The following NKAIN3 variants were observed in gnomAD, a reference collection of about 807,000 sequenced individuals.
NKAIN3 encodes the protein sodium/potassium transporting ATPase interacting 3, also known as sodium/potassium-transporting ATPase subunit beta-1-interacting protein 3.
A neutral mutation model predicts 30.2 loss-of-function variants in NKAIN3; 25 were observed. The ratio of observed to expected loss-of-function variants is 0.83; its 90% CI spans 0.60 to 1.16. NKAIN3 has a LOEUF of 1.16. Ranked by LOEUF, NKAIN3 falls within the 50% of genes most tolerant of loss-of-function variation. NKAIN3 has a pLI of 0.00. For missense variants in NKAIN3, 225 were observed against 254.1 expected (o/e 0.89, Z 0.78); for synonymous variants, 91 against 89.6 (o/e 1.02, Z -0.09).
At chr8:62,551,028 A>C (rs548200794) in intron 1 of NKAIN3, among the ~76,000 whole-genome samples, 119 of 152,140 alleles carry the variant, frequency 7.8e-4, no homozygotes, top group Non-Finnish European at 1.2e-3. Flanking sequence ...ACGGCTTTGC[A>C]TGGGTCCTGG....
At chr8:62,436,736 T>G (rs1440882274) in intron 1 of NKAIN3, among the ~76,000 whole-genome samples, 1 of 152,154 alleles carries the variant, frequency 6.6e-6, no homozygotes, top group Admixed American at 6.6e-5. Context: ...AAATAGCTTT[T>G]TATGCATTAC....
At chr8:62,742,240 T>C (rs1177244993) in intron 3 of NKAIN3, among the ~76,000 whole-genome samples, 1 of 151,426 alleles carries the variant, frequency 6.6e-6, no homozygotes, top group Non-Finnish European at 1.5e-5. Context: ...GAAAGAAGAG[T>C]GTGGGGCAGG....
At chr8:62,745,525 G>A (rs1010315151) in intron 3 of NKAIN3, among the ~76,000 whole-genome samples, 2 of 152,168 alleles carry the variant, frequency 1.3e-5, no homozygotes, top group Non-Finnish European at 2.9e-5. Flanking sequence ...GGTGGTTGCA[G>A]TCTTTGGATT....
intron 5 of NKAIN3, among the ~76,000 whole-genome samples, chr8:62,991,270 G>A (rs1335142256): frequency 2.0e-5 from 3 of 152,164 alleles, no homozygotes; most frequent in Non-Finnish European, 4.4e-5. Flanking sequence ...CCATGAGAGG[G>A]TGTTAGGTGT....
intron 3 of NKAIN3, among the ~76,000 whole-genome samples, chr8:62,726,582 T>TA (rs1331184731): frequency 4.6e-5 from 7 of 152,228 alleles, no homozygotes; most frequent in Non-Finnish European, 7.4e-5. Flanking sequence ...ATTCTGTTAA[T>TA]ATGATGTATT....
chr8:62,705,501 T>G (rs1261950936), intron 3 of NKAIN3, among the ~76,000 whole-genome samples: 1 of 152,140 alleles, frequency 6.6e-6, no homozygotes, highest in Non-Finnish European at 1.5e-5. Flanking sequence ...AATTCATGAC[T>G]TTTTTTGGAA....
At chr8:62,345,564 C>T (rs941728445) in intron 1 of NKAIN3, among the ~76,000 whole-genome samples, 1 of 133,052 alleles carries the variant, frequency 7.5e-6, no homozygotes, top group Admixed American at 7.3e-5. Flanking sequence ...TATATATACA[C>T]ATATATACAC....
At chr8:62,852,338 T>G (rs1367764233) in intron 4 of NKAIN3, among the ~76,000 whole-genome samples, 4 of 152,150 alleles carry the variant, frequency 2.6e-5, no homozygotes, top group Non-Finnish European at 5.9e-5. Flanking sequence ...ATTTGATTCT[T>G]CTCTCTTTTC....
At chr8:62,751,015 A>G (rs572640506) in intron 4 of NKAIN3, among the ~76,000 whole-genome samples, 1 of 152,268 alleles carries the variant, frequency 6.6e-6, no homozygotes, top group South Asian at 2.1e-4. Flanking sequence ...CGCAAATCTT[A>G]TCAGTCACGT....
intron 3 of NKAIN3, among the ~76,000 whole-genome samples, chr8:62,744,318 G>A (rs568730337): frequency 6.6e-6 from 1 of 152,154 alleles, no homozygotes; most frequent in Non-Finnish European, 1.5e-5. Context: ...TATAGTCATT[G>A]TGAGGAATAG....
intron 3 of NKAIN3, among the ~76,000 whole-genome samples, chr8:62,638,739 C>A (rs1812213383): frequency 6.6e-6 from 1 of 152,048 alleles, no homozygotes; most frequent in Non-Finnish European, 1.5e-5. Context: ...AACCCTGACC[C>A]CACAACCATA....
chr8:62,925,387 T>G (rs574606833), intron 5 of NKAIN3, among the ~76,000 whole-genome samples: 1 of 152,114 alleles, frequency 6.6e-6, no homozygotes, highest in Admixed American at 6.6e-5. Context: ...GGAAAAAAAA[T>G]GATTAATTCA....
intron 6 of NKAIN3, 74 bp from the exon 7 acceptor site, chr8:62,965,280 G>T (rs775159657): frequency 9.6e-5 from 95 of 985,312 alleles, no homozygotes; most frequent in Non-Finnish European, 1.1e-4. Context: ...ATTTCAAAAG[G>T]CCTCAATGAA....
At chr8:62,368,517 A>C (rs919053732) in intron 1 of NKAIN3, among the ~76,000 whole-genome samples, 1 of 149,052 alleles carries the variant, frequency 6.7e-6, no homozygotes, top group Non-Finnish European at 1.5e-5. Flanking sequence ...TGTCAGAATC[A>C]AAATGAAGGC....
At chr8:62,293,177 A>G (rs765313355) in intron 1 of NKAIN3, among the ~76,000 whole-genome samples, 1 of 152,056 alleles carries the variant, frequency 6.6e-6, no homozygotes, top group African/African-American at 2.4e-5. Flanking sequence ...GGGTTCGAAT[A>G]TCCTCCTTTT....
At chr8:62,783,071 A>G (rs570098365) in intron 4 of NKAIN3, among the ~76,000 whole-genome samples, 1 of 152,150 alleles carries the variant, frequency 6.6e-6, no homozygotes, top group Admixed American at 6.5e-5. Context: ...AACATTATGT[A>G]TTAATAAAAG....
intron 4 of NKAIN3, among the ~76,000 whole-genome samples, chr8:62,914,669 C>T (rs1179862728): frequency 2.0e-5 from 3 of 151,156 alleles, no homozygotes; most frequent in Non-Finnish European, 4.4e-5. Flanking sequence ...TGTGACTTGT[C>T]AAATATTCCT....
chr8:62,444,409 G>C (rs546480430), intron 1 of NKAIN3, among the ~76,000 whole-genome samples: 1 of 151,904 alleles, frequency 6.6e-6, no homozygotes, highest in Non-Finnish European at 1.5e-5. Context: ...CCCACCTCTT[G>C]TAACAACCAA....
intron 4 of NKAIN3, among the ~76,000 whole-genome samples, chr8:62,853,480 T>C (rs991174263): frequency 1.3e-5 from 2 of 152,170 alleles, no homozygotes. Flanking sequence ...CTAGATTTTC[T>C]AACTTATGTG....
Sources: allele counts gnomAD v4.1 joint callset (sites outside exome capture counted in the v4.1 genomes callset), GRCh38; gene constraint gnomAD v4.1.1; transcripts MANE v1.5; gene names NCBI Gene and HGNC (gene_info 2026-07-23, HGNC 2026-07-21).